Variants in CSMD1 observed in about 807,000 individuals in gnomAD.
The protein encoded by CSMD1 is CUB and Sushi multiple domains 1.
In CSMD1, 213 loss-of-function variants were observed where a neutral mutation model predicts 417.5. That is an observed-to-expected ratio of 0.51 (90% CI 0.46 to 0.57). CSMD1 has a LOEUF of 0.57. Ranked by LOEUF, CSMD1 falls within the 20% of genes least tolerant of loss-of-function variation. The probability of loss-of-function intolerance (pLI) is 0.00; values close to 1 mark genes in which losing one functional copy is unlikely to be tolerated. For synonymous variants in CSMD1, 2,862 were observed against 1,736.8 expected, an observed-to-expected ratio of 1.65 and a Z score of -16.11; for missense variants, 6,923 against 4,529.7, an observed-to-expected ratio of 1.53 and a Z score of -15.17.
intron 27 of CSMD1, among the ~76,000 whole-genome samples, chr8:3,228,546 T>A (rs1798648770): frequency 6.6e-6 from 1 of 152,160 alleles, no homozygotes; most frequent in South Asian, 2.1e-4. Context: ...GAGACAGGGG[T>A]ATTTATTTAC....
intron 4 of CSMD1, among the ~76,000 whole-genome samples, chr8:4,022,986 A>G (rs1796865867): frequency 6.6e-6 from 1 of 152,256 alleles, no homozygotes; most frequent in South Asian, 2.1e-4. Flanking sequence ...CAGTATGGCA[A>G]AGATGGGACA....
chr8:3,839,074 C>G (rs1802923029), intron 5 of CSMD1, among the ~76,000 whole-genome samples: 1 of 120,908 alleles, frequency 8.3e-6, no homozygotes. Flanking sequence ...AGATATATAG[C>G]CTAGGCTATA....
chr8:4,078,554 G>A (rs571110103), intron 3 of CSMD1, among the ~76,000 whole-genome samples: 5 of 151,596 alleles, frequency 3.3e-5, no homozygotes, highest in African/African-American at 9.7e-5. Flanking sequence ...GTGAGCCACT[G>A]CGCCCGGCTG....
At chr8:4,236,035 G>GTTTTTT (rs869046913) in intron 3 of CSMD1, among the ~76,000 whole-genome samples, 5 of 112,614 alleles carry the variant, frequency 4.4e-5, no homozygotes, top group African/African-American at 1.9e-4. Flanking sequence ...TGTTTTTTTT[G>GTTTTTT]TTTGTTTTTT....
chr8:3,989,031 A>C (rs2627383), intron 5 of CSMD1, among the ~76,000 whole-genome samples: 74,187 of 152,046 alleles, frequency 0.49, 19,189 homozygotes, highest in Middle Eastern at 0.59. Context: ...ATTCTATTTC[A>C]AAAAGTTTTT....
Position 4,402,556 on chromosome 8 carries a change from T to G in CSMD1, c.415+17397A>C, listed in dbSNP as rs565829205. On this transcript the variant is annotated intron_variant, in intron 3 of 69. Coordinates refer to ENST00000635120, the MANE Select transcript of CSMD1 (RefSeq NM_033225.6). ...TCAATTCTCACAGCCTCTTTATTCT[T>G]CCACTCTTGAAGGGAGACTTTTATA... 6.6e-4 allele frequency among the ~76,000 whole-genome samples: 101 copies of G among 152,312 alleles called. 1 individual carries two copies. The highest frequency in any genetic ancestry group is 1.3e-3 in the Non-Finnish European group (89 of 68,028).
intron 6 of CSMD1, among the ~76,000 whole-genome samples, chr8:3,731,722 G>A (rs954582948): frequency 1.3e-5 from 2 of 152,176 alleles, no homozygotes; most frequent in Non-Finnish European, 2.9e-5. Flanking sequence ...TTAGAGCACA[G>A]AATTTACAGG....
At chr8:4,757,976 A>T (rs892762267) in intron 1 of CSMD1, among the ~76,000 whole-genome samples, 7 of 151,592 alleles carry the variant, frequency 4.6e-5, no homozygotes, top group African/African-American at 1.2e-4. Context: ...AAAAAAAAAA[A>T]AAAAGGAAAA....
intron 12 of CSMD1, among the ~76,000 whole-genome samples, chr8:3,454,636 T>C (rs1323090291): frequency 6.6e-6 from 1 of 152,256 alleles, no homozygotes; most frequent in South Asian, 2.1e-4. Flanking sequence ...TGTTGAATAT[T>C]GGCCCCCACT....
chr8:4,663,569 C>A lies in CSMD1; in HGVS notation c.86-26011G>T, dbSNP rs116783244. ...CACAAGACCTGGCTGTTGAAAAGTG[C>A]ATGACAACTCTCCCTTCACTCTCTT... On this transcript the variant is annotated intron_variant, in intron 1 of 69. Coordinates refer to ENST00000635120, the MANE Select transcript of CSMD1 (RefSeq NM_033225.6). Among the ~76,000 whole-genome samples, 820 of 152,200 alleles carry A rather than the reference C, an allele frequency of 5.4e-3. 9 individuals carry two copies. The highest frequency in any genetic ancestry group is 0.018 in the African/African-American group (733 of 41,540).
intron 5 of CSMD1, among the ~76,000 whole-genome samples, chr8:3,987,401 G>A (rs886453399): frequency 6.6e-6 from 1 of 152,166 alleles, no homozygotes; most frequent in Non-Finnish European, 1.5e-5. Context: ...ACGACTAATG[G>A]ATACAGGGGT....
At chr8:4,014,412 T>C (rs1585133787) in intron 4 of CSMD1, among the ~76,000 whole-genome samples, 2 of 152,190 alleles carry the variant, frequency 1.3e-5, no homozygotes, top group Non-Finnish European at 2.9e-5. Flanking sequence ...TTAACACTAA[T>C]CTTCTCCAGG....
chr8:3,123,291 T>C (rs894237233), intron 41 of CSMD1, among the ~76,000 whole-genome samples: 2 of 152,104 alleles, frequency 1.3e-5, no homozygotes, highest in Admixed American at 6.5e-5. Context: ...CAGGGACCAC[T>C]CCAGGCTGAA....
intron 1 of CSMD1, among the ~76,000 whole-genome samples, chr8:4,863,863 A>G (rs1184987296): frequency 6.6e-6 from 1 of 152,036 alleles, no homozygotes; most frequent in African/African-American, 2.4e-5. Context: ...TCTTGATTTT[A>G]TTCTGCCTTC....
At chr8:3,386,120 C>T (rs1401614147) in intron 18 of CSMD1, among the ~76,000 whole-genome samples, 1 of 152,118 alleles carries the variant, frequency 6.6e-6, no homozygotes, top group Non-Finnish European at 1.5e-5. Context: ...ATTCCCTAGA[C>T]AAATGGAGTT....
At position 4,034,860 on chromosome 8, in the gene CSMD1, G is replaced by A. The variant is rs902263637; in HGVS notation, c.416-2761C>T. On this transcript the variant is annotated intron_variant, in intron 3 of 69. Coordinates refer to ENST00000635120, the MANE Select transcript of CSMD1 (RefSeq NM_033225.6). Reference sequence around the variant, plus strand: ...CCAGATAATTGTTCCCCAAAGACACGGTTATCAATGGAAATCTATCAAATA... The same window carrying A: ...CCAGATAATTGTTCCCCAAAGACACAGTTATCAATGGAAATCTATCAAATA... 3.9e-5 allele frequency among the ~76,000 whole-genome samples: 6 copies of A among 151,966 alleles called. No homozygotes were observed. In the East Asian group the frequency reaches 5.8e-4, roughly 15 times the overall value.
intron 2 of CSMD1, among the ~76,000 whole-genome samples, chr8:4,450,187 G>T (rs560354780): frequency 6.6e-6 from 1 of 152,284 alleles, no homozygotes; most frequent in South Asian, 2.1e-4. Context: ...ACCGAACTGG[G>T]CAACAATTGA....
intron 2 of CSMD1, among the ~76,000 whole-genome samples, chr8:4,429,318 A>G (rs375002713): frequency 2.2e-4 from 34 of 152,158 alleles, no homozygotes; most frequent in African/African-American, 7.0e-4. Flanking sequence ...CTGCTCTTCA[A>G]GAGCTTTACA....
chr8:3,945,931 T>C lies in CSMD1; in HGVS notation c.818+51972A>G, dbSNP rs372613095. On this transcript the variant is annotated intron_variant, in intron 5 of 69. Coordinates refer to ENST00000635120, the MANE Select transcript of CSMD1 (RefSeq NM_033225.6). ...CAAGACGTGGCTCCAACTAAGACTATCATGATTATTATTACTAATAACTTA... is the reference window on the plus strand; with the variant it reads ...CAAGACGTGGCTCCAACTAAGACTACCATGATTATTATTACTAATAACTTA... Among the ~76,000 whole-genome samples, 30 of 152,258 alleles carry C rather than the reference T, an allele frequency of 2.0e-4. No homozygotes were observed. The South Asian group carries it at 6.0e-3, about 30-fold the overall frequency.
Sources: allele counts gnomAD v4.1 joint callset (sites outside exome capture counted in the v4.1 genomes callset), GRCh38; gene constraint gnomAD v4.1.1; transcripts MANE v1.5; gene names NCBI Gene and HGNC (gene_info 2026-07-23, HGNC 2026-07-21).